Variants in CWF19L1 observed in about 807,000 individuals in gnomAD.
CWF19L1 encodes the protein CWF19 like cell cycle control factor 1.
A neutral mutation model predicts 69.7 loss-of-function variants in CWF19L1; 60 were observed. The ratio of observed to expected loss-of-function variants is 0.86; its 90% CI spans 0.70 to 1.07. The LOEUF (loss-of-function observed/expected upper bound fraction) is 1.07, where lower values mean the gene tolerates loss of function less well. Among genes scored for constraint, CWF19L1 ranks in the 50% least tolerant of loss-of-function variants. The pLI, the probability that CWF19L1 is intolerant of heterozygous loss-of-function variation, is 0.00. For synonymous variants in CWF19L1, 209 were observed against 222.2 expected, an observed-to-expected ratio of 0.94 and a Z score of 0.53; for missense variants, 591 against 638.9, an observed-to-expected ratio of 0.92 and a Z score of 0.81.
At chr10:100,236,075 C>T (rs1434489021) in intron 12 of CWF19L1, among the ~76,000 whole-genome samples, 1 of 151,080 alleles carries the variant, frequency 6.6e-6, no homozygotes, top group African/African-American at 2.4e-5. Flanking sequence ...ATACCCAGTG[C>T]TCTAGTTCCA....
intron 10 of CWF19L1, among the ~76,000 whole-genome samples, chr10:100,242,437 G>C (rs1846666886): frequency 6.6e-6 from 1 of 152,234 alleles, no homozygotes; most frequent in Non-Finnish European, 1.5e-5. Context: ...ACTTTGGGAG[G>C]CTGAGGCGGG....
At chr10:100,265,525 C>T (rs1207416627) in intron 1 of CWF19L1, among the ~76,000 whole-genome samples, 40 of 120,924 alleles carry the variant, frequency 3.3e-4, no homozygotes, top group East Asian at 4.6e-4. Context: ...TTTTCTTTTT[C>T]TTTTTTTTTT....
At chr10:100,246,057 A>C (rs1254685719) in intron 8 of CWF19L1, 144 bp from the exon 9 acceptor site, 1 of 614,038 alleles carries the variant, frequency 1.6e-6, no homozygotes, top group African/African-American at 1.8e-5. Flanking sequence ...GGGAAGCAAA[A>C]TATCTTCCCA....
chr10:100,248,553 C>T (rs1309070890), intron 7 of CWF19L1: 10 of 721,312 alleles, frequency 1.4e-5, no homozygotes, highest in African/African-American at 3.4e-5. Context: ...GGGGGCCTGT[C>T]GCTAGCCAGC....
Position 100,233,083 on chromosome 10 carries a change from G to A in CWF19L1, c.*144C>T. On this transcript the variant is annotated 3_prime_UTR_variant, in exon 14 of 14. Coordinates refer to ENST00000354105, the MANE Select transcript of CWF19L1 (RefSeq NM_018294.6). ...GGAACTCTAGAGCCCAGGAGGTTGA[G>A]GCTACAGTGAGCCACAGTTATGCCA... 2.6e-6 allele frequency: 2 copies of A among 765,752 alleles called. No individual in the cohort carries two copies. The highest frequency in any genetic ancestry group is 3.9e-6 in the Non-Finnish European group (2 of 509,788). 47.4% of individuals were successfully genotyped at this position (765,752 alleles called of 1,614,324 possible). A position where few individuals can be genotyped will look rare whatever the true frequency, so the allele number is the denominator to read the frequency against.
intron 1 of CWF19L1, among the ~76,000 whole-genome samples, chr10:100,264,029 G>T (rs1847489118): frequency 6.6e-6 from 1 of 152,192 alleles, no homozygotes; most frequent in Admixed American, 6.5e-5. Flanking sequence ...ATATGTAATG[G>T]TGGTCCCATA....
intron 13 of CWF19L1, among the ~76,000 whole-genome samples, chr10:100,234,439 T>C (rs922846978): frequency 2.6e-5 from 4 of 152,356 alleles, no homozygotes; most frequent in Admixed American, 6.5e-5. Flanking sequence ...TATACGCCTA[T>C]GTGTATCTGC....
rs116348384 is a variant in CWF19L1, at chr10:100,240,877, G to A, written c.1045-2646C>T. ...AAAGGGCACTGCTATAAAAGCTAGA[G>A]CTTCTCAAGTTTGCTCTTATTCCAC... On this transcript the variant is annotated intron_variant, in intron 10 of 13. Transcript: ENST00000354105. Among the ~76,000 whole-genome samples the A allele has an allele frequency of 7.4e-3, 1,121 of 152,142 alleles. 20 individuals carry two copies. The highest frequency in any genetic ancestry group is 0.025 in the African/African-American group (1,044 of 41,514).
intron 8 of CWF19L1, 128 bp from the exon 9 acceptor site, chr10:100,246,041 A>T: frequency 1.5e-6 from 1 of 666,886 alleles, no homozygotes; most frequent in South Asian, 1.9e-5. Flanking sequence ...CTTTCTGCAC[A>T]CTCTAGGGAA....
At position 100,233,276 on chromosome 10, in the gene CWF19L1, C is replaced by T. The variant is rs35490714; in HGVS notation, c.1568G>A (p.Arg523His). 0.026 allele frequency: 42,237 copies of T among 1,613,552 alleles called. 636 individuals carry two copies. The highest frequency in any genetic ancestry group is 0.043 in the Middle Eastern group (260 of 6,060). ...GGGCTCAAAGTCTTTCCGGAAGCGG[C>T]GAGCCAGGGTCTCCTCGTCTTCCTT... ...ISKEDEETLARRFRKDFEPYD... is the reference protein window; with the variant it reads ...ISKEDEETLAHRFRKDFEPYD... The change falls in exon 14 of 14, where the codon CGC becomes CAC. Residue 523 changes from arginine to histidine, a missense_variant. This residue lies in a region of CWF19L1 where 458 missense variants were observed against 489.3 expected (regional missense o/e 0.94). Coordinates refer to ENST00000354105, the MANE Select transcript of CWF19L1 (RefSeq NM_018294.6).
Position 100,264,163 on chromosome 10 carries a change from TA to T in CWF19L1, c.24-2101del, listed in dbSNP as rs368071917. ...GGTATAAACCTACTGGGCTGGTGGT[TA>T]TAAAAAGTGTAGCACATACAGTTAT... On this transcript the variant is annotated intron_variant, in intron 1 of 13. Transcript: ENST00000354105. Among the ~76,000 whole-genome samples the T allele has an allele frequency of 7.3e-3, 1,117 of 152,342 alleles. 20 individuals carry two copies. The highest frequency in any genetic ancestry group is 0.025 in the African/African-American group (1,040 of 41,566).
At chr10:100,244,198 C>G (rs1846730173) in intron 9 of CWF19L1, among the ~76,000 whole-genome samples, 1 of 152,228 alleles carries the variant, frequency 6.6e-6, no homozygotes, top group African/African-American at 2.4e-5. Flanking sequence ...CAATGAAACA[C>G]TCTTAAAGTC....
At chr10:100,255,950 A>C (rs1165644767) in intron 5 of CWF19L1, among the ~76,000 whole-genome samples, 3 of 151,996 alleles carry the variant, frequency 2.0e-5, no homozygotes, top group African/African-American at 7.2e-5. Context: ...AAAAAACAAA[A>C]AACAAAAAAA....
chr10:100,265,340 T>TA lies in CWF19L1; in HGVS notation c.23+2230_23+2231insT, dbSNP rs553242945. ...TGTTGAAAATAATATTTTAATAAAT[T>TA]TAATATAGGTGAAGTGTACAGTATT... On this transcript the variant is annotated intron_variant, in intron 1 of 13. Transcript: ENST00000354105. 2.9e-3 allele frequency among the ~76,000 whole-genome samples: 441 copies of TA among 152,042 alleles called. 4 individuals are homozygous for TA. Among genetic ancestry groups the TA allele is most frequent in the African/African-American group, 0.01 (430 of 41,506 alleles).
chr10:100,266,333 C>G (rs1589638691), intron 1 of CWF19L1, among the ~76,000 whole-genome samples: 1 of 148,358 alleles, frequency 6.7e-6, no homozygotes, highest in East Asian at 2.0e-4. Context: ...CTGGGACCAC[C>G]ACGCCCGGCT....
chr10:100,263,981 C>T (rs11190443), intron 1 of CWF19L1, among the ~76,000 whole-genome samples: 32,217 of 152,128 alleles, frequency 0.21, 6,342 homozygotes, highest in African/African-American at 0.52. Context: ...AATACAGTTA[C>T]GTGCCACATA....
In CWF19L1 at chr10:100,256,424, A is replaced by G; in HGVS notation, c.342T>C (p.Ser114=). The stretch of plus-strand genomic sequence containing the variant: ...CTGGCTCATTTAAGGATTCTGTCCC[A>G]CTGAGGTACACAATCTGCAGCCCCG... ...GSSGLQIVYL[S]GTESLNEPVP... is the part of the protein sequence containing the mutation. The change falls in exon 5 of 14, where the codon AGT becomes AGC. Residue 114 remains serine (S), a synonymous_variant. Coordinates refer to ENST00000354105, the MANE Select transcript of CWF19L1 (RefSeq NM_018294.6). 1 of 1,614,232 alleles carries G rather than the reference A, an allele frequency of 6.2e-7. No homozygotes were observed. The highest frequency in any genetic ancestry group is 8.5e-7 in the Non-Finnish European group (1 of 1,180,034).
At chr10:100,235,903 A>T in intron 12 of CWF19L1, 139 bp from the exon 13 acceptor site, 1 of 629,260 alleles carries the variant, frequency 1.6e-6, no homozygotes, top group East Asian at 2.8e-5. Context: ...CAAGCCACTT[A>T]GTGGAACTAG....
At position 100,238,115 on chromosome 10, in the gene CWF19L1, C is replaced by T. The variant is rs201299647; in HGVS notation, c.1161G>A (p.Lys387=). 33 of 1,614,044 alleles carry T rather than the reference C, an allele frequency of 2.0e-5. No homozygotes were observed. Among genetic ancestry groups the T allele is most frequent in the Non-Finnish European group, 2.5e-5 (30 of 1,180,032 alleles). ...AGAACCGTCTCAGAGTGGCCTTATA[C>T]TTCTCCACCTCTTCTACCACCTCTG... ...LSAEVVEEVE[K]YKATLRRFFK... is the part of the protein sequence containing the mutation. The change falls in exon 11 of 14, where the codon AAG becomes AAA. Residue 387 remains lysine, a synonymous_variant. Coordinates refer to ENST00000354105, the MANE Select transcript of CWF19L1 (RefSeq NM_018294.6).
Sources: allele counts gnomAD v4.1 joint callset (sites outside exome capture counted in the v4.1 genomes callset), GRCh38; gene constraint gnomAD v4.1.1; regional missense constraint gnomAD v4.1.1; transcripts MANE v1.5; gene names NCBI Gene and HGNC (gene_info 2026-07-23, HGNC 2026-07-21).